Variants in SORCS2 observed in about 807,000 individuals in gnomAD.
SORCS2 encodes sortilin related VPS10 domain containing receptor 2.
SORCS2 carries 100 observed loss-of-function variants against 141.6 expected under a neutral mutation model. The ratio of observed to expected loss-of-function variants is 0.71; its 90% CI spans 0.60 to 0.83. SORCS2 has a LOEUF of 0.83. SORCS2 is among the 40% of genes least tolerant of loss of function. The pLI is 0.00. For missense variants in SORCS2, 1,646 were observed against 1,560.2 expected, an observed-to-expected ratio of 1.05 and a Z score of -0.93; for synonymous variants, 789 against 676.9, an observed-to-expected ratio of 1.17 and a Z score of -2.57.
intron 17 of SORCS2, among the ~76,000 whole-genome samples, 180 bp from the exon 18 acceptor site, chr4:7,717,832 A>C (rs1000952790): frequency 2.0e-5 from 3 of 152,106 alleles, no homozygotes; most frequent in Non-Finnish European, 4.4e-5. Context: ...TCATCTCTAA[A>C]ATGGGGCTGT....
At chr4:7,483,948 A>G (rs1424131859) in intron 2 of SORCS2, among the ~76,000 whole-genome samples, 1 of 152,134 alleles carries the variant, frequency 6.6e-6, no homozygotes, top group Non-Finnish European at 1.5e-5. Flanking sequence ...AAAAACAAAA[A>G]CGAGTCTTTC....
At chr4:7,248,343 G>C (rs1010129516) in intron 1 of SORCS2, among the ~76,000 whole-genome samples, 2 of 151,892 alleles carry the variant, frequency 1.3e-5, no homozygotes, top group African/African-American at 4.8e-5. Context: ...CCGTGGGGGG[G>C]CCCTGGGATG....
chr4:7,734,449 G>A (rs1266172167), intron 25 of SORCS2, 75 bp downstream of exon 25: 3 of 1,087,518 alleles, frequency 2.8e-6, no homozygotes, highest in Non-Finnish European at 3.9e-6. Context: ...ACTCACTCAG[G>A]CAGATCTAGA....
At chr4:7,724,678 G>GTGGTGATGGTGGTGGTGA (rs1726993706) in intron 19 of SORCS2, among the ~76,000 whole-genome samples, 1 of 105,434 alleles carries the variant, frequency 9.5e-6, no homozygotes, top group Non-Finnish European at 2.1e-5. Context: ...AATGGTGGTA[G>GTGGTGATGGTGGTGGTGA]TGGTGATGGT....
chr4:7,462,226 G>A (rs151232020), intron 2 of SORCS2, among the ~76,000 whole-genome samples: 218 of 152,318 alleles, frequency 1.4e-3, no homozygotes, highest in Admixed American at 2.4e-3. Flanking sequence ...TTCACGCAGG[G>A]ACAGGTGGAT....
Position 7,614,247 on chromosome 4 carries a change from C to A in SORCS2, c.649-24081C>A, listed in dbSNP as rs187697281. Among the ~76,000 whole-genome samples the A allele has an allele frequency of 2.9e-3, 431 of 150,030 alleles. 21 individuals are homozygous for A. Among genetic ancestry groups the A allele is most frequent in the Admixed American group, 0.028 (426 of 15,080 alleles). Reference sequence around the variant, plus strand: ...TCCATTCCCCCATAATCCACCTATCCGTCCACCCATCCACTCATCCATCCA... The same window carrying A: ...TCCATTCCCCCATAATCCACCTATCAGTCCACCCATCCACTCATCCATCCA... On this transcript the variant is annotated intron_variant, in intron 3 of 26. Coordinates refer to ENST00000507866, the MANE Select transcript of SORCS2 (RefSeq NM_020777.3).
At chr4:7,628,318 C>G (rs556038028) in intron 3 of SORCS2, among the ~76,000 whole-genome samples, 58 of 152,200 alleles carry the variant, frequency 3.8e-4, no homozygotes, top group South Asian at 6.2e-4. Flanking sequence ...GTCAGGAGAT[C>G]CAGACCATCC....
At position 7,521,813 on chromosome 4, in the gene SORCS2, G is replaced by A. The variant is rs115111394; in HGVS notation, c.549-9717G>A. Among the ~76,000 whole-genome samples the A allele has an allele frequency of 4.3e-3, 651 of 152,338 alleles. 2 individuals carry two copies. The highest frequency in any genetic ancestry group is 0.015 in the African/African-American group (610 of 41,566). On this transcript the variant is annotated intron_variant, in intron 2 of 26. Coordinates refer to ENST00000507866, the MANE Select transcript of SORCS2 (RefSeq NM_020777.3). Reference sequence around the variant, plus strand: ...TACATGTACCCTCAAGAGGGGTTCTGGGGTCCACTCAAGGGGCCTTGCAGC... The same window carrying A: ...TACATGTACCCTCAAGAGGGGTTCTAGGGTCCACTCAAGGGGCCTTGCAGC...
chr4:7,564,307 C>T (rs1405568671), intron 3 of SORCS2, among the ~76,000 whole-genome samples: 9 of 152,236 alleles, frequency 5.9e-5, no homozygotes, highest in Non-Finnish European at 1.2e-4. Context: ...CCTTCCTTGC[C>T]TCTCCTGGTT....
At chr4:7,431,807 C>G (rs974547320) in intron 2 of SORCS2, 1 of 152,176 alleles carries the variant, frequency 6.6e-6, no homozygotes, top group Non-Finnish European at 1.5e-5. Flanking sequence ...GGGCGGTGGC[C>G]CAGGTCTGCG....
At chr4:7,400,461 CCCACCACCA>C (rs71173499) in intron 2 of SORCS2, among the ~76,000 whole-genome samples, 22,382 of 151,294 alleles carry the variant, frequency 0.15, 1,786 homozygotes, top group Non-Finnish European at 0.18. Context: ...TATGGTTTGC[CCCACCACCA>C]CCACCACCAC....
chr4:7,434,031 C>G, intron 2 of SORCS2: 1 of 1,611,700 alleles, frequency 6.2e-7, no homozygotes, highest in Non-Finnish European at 8.5e-7. Flanking sequence ...GCATCTCGCT[C>G]TGTTTCCTTG....
intron 2 of SORCS2, among the ~76,000 whole-genome samples, chr4:7,502,198 T>C (rs1732016579): frequency 2.0e-5 from 3 of 152,096 alleles, no homozygotes; most frequent in Admixed American, 1.3e-4. Flanking sequence ...GTGCTCAAGA[T>C]CTACTTGTCC....
In SORCS2 at chr4:7,531,548, G is replaced by A. The variant is rs575501301; in HGVS notation, c.567G>A (p.Thr189=). Residue 189 remains threonine, a synonymous_variant, in exon 3 of 27, where the codon ACG becomes ACA. Coordinates refer to ENST00000507866, the MANE Select transcript of SORCS2 (RefSeq NM_020777.3). ...SSLWRSSDFG[T]SYTKLTLQPG... ...CCCCCAGGTCATCAGATTTCGGGACGTCCTACACCAAGCTCACCCTCCAGC... is the reference window on the plus strand; with the variant it reads ...CCCCCAGGTCATCAGATTTCGGGACATCCTACACCAAGCTCACCCTCCAGC... 17 of 1,613,846 alleles carry A rather than the reference G, an allele frequency of 1.1e-5. No individual in the cohort carries two copies. The highest frequency in any genetic ancestry group is 5.5e-5 in the South Asian group (5 of 91,080).
intron 1 of SORCS2, among the ~76,000 whole-genome samples, chr4:7,278,600 AC>A (rs1715666111): frequency 1.3e-5 from 2 of 152,118 alleles, no homozygotes; most frequent in East Asian, 3.9e-4. Context: ...TGTTTCATAG[AC>A]CCAGGGACAT....
intron 3 of SORCS2, among the ~76,000 whole-genome samples, chr4:7,613,262 C>T (rs974585654): frequency 5.9e-5 from 9 of 152,196 alleles, no homozygotes; most frequent in Non-Finnish European, 1.2e-4. Flanking sequence ...TGATACTCTA[C>T]GTCTGCAGAA....
Position 7,726,891 on chromosome 4 carries a change from C to T in SORCS2, c.2857C>T (p.Leu953Phe). ...CTCGGTGCTGCAGGACTCCAGGGTC[C>T]TCCGTGTGCTGGGTAAGTACTTCCT... ...GNSVLQDSRV[L>F]RVLDQFQVMP... is the part of the protein sequence containing the mutation. The change falls in exon 21 of 27, where the codon CTC becomes TTC. Residue 953 changes from leucine to phenylalanine, a missense_variant. Physicochemically the swap from Leu to Phe is conservative, Grantham distance 22. Coordinates refer to ENST00000507866, the MANE Select transcript of SORCS2 (RefSeq NM_020777.3). The T allele has an allele frequency of 2.5e-6, 4 of 1,613,308 alleles. No individual in the cohort carries two copies. Among genetic ancestry groups the T allele is most frequent in the Non-Finnish European group, 3.4e-6 (4 of 1,179,480 alleles).
At chr4:7,647,085 C>T (rs565481617) in intron 4 of SORCS2, among the ~76,000 whole-genome samples, 7 of 152,104 alleles carry the variant, frequency 4.6e-5, no homozygotes, top group Non-Finnish European at 1.0e-4. Context: ...AGGAGGTAGC[C>T]AGGGGACGAG....
chr4:7,402,473 T>A (rs1724654895), intron 2 of SORCS2, among the ~76,000 whole-genome samples: 1 of 152,256 alleles, frequency 6.6e-6, no homozygotes, highest in Admixed American at 6.5e-5. Flanking sequence ...TGAAGTTTGC[T>A]TTATGTGCCC....
Sources: allele counts gnomAD v4.1 joint callset (sites outside exome capture counted in the v4.1 genomes callset), GRCh38; gene constraint gnomAD v4.1.1; transcripts MANE v1.5; gene names NCBI Gene and HGNC (gene_info 2026-07-23, HGNC 2026-07-21).